Variants in FER1L5 observed in about 807,000 individuals in gnomAD.
The protein encoded by FER1L5 is fer-1 like family member 5.
In FER1L5, 187 loss-of-function variants were observed where a neutral mutation model predicts 279.9. The observed-to-expected ratio is 0.67, with a 90% CI of 0.59 to 0.75. The LOEUF (loss-of-function observed/expected upper bound fraction) is 0.75. Among genes scored for constraint, FER1L5 ranks in the 30% least tolerant of loss-of-function variants. The pLI is 0.00. For missense variants in FER1L5, 2,091 were observed against 2,594.4 expected, an observed-to-expected ratio of 0.81 and a Z score of 4.21; for synonymous variants, 921 against 989.7, an observed-to-expected ratio of 0.93 and a Z score of 1.30.
chr2:96,700,395 T>C lies in FER1L5; in HGVS notation c.4994T>C (p.Leu1665Pro), dbSNP rs1437301064. The change falls in exon 45 of 53, where the codon CTG becomes CCG. Residue 1665 changes from leucine to proline, a missense_variant. Coordinates refer to ENST00000624922, the MANE Select transcript of FER1L5 (RefSeq NM_001293083.2). ...PKKERLALYL[L>P]HTQGLVPEHV... Reference sequence around the variant, plus strand: ...AAGGAACGCCTTGCACTGTACCTCCTGCACACCCAGGGGCTGGTACCTGAG... The same window carrying C: ...AAGGAACGCCTTGCACTGTACCTCCCGCACACCCAGGGGCTGGTACCTGAG... 8 of 1,613,716 alleles carry C rather than the reference T, an allele frequency of 5.0e-6. No individual in the cohort carries two copies. The highest frequency in any genetic ancestry group is 6.8e-6 in the Non-Finnish European group (8 of 1,179,884).
intron 9 of FER1L5, 70 bp downstream of exon 9, chr2:96,654,566 G>A: frequency 2.5e-6 from 1 of 398,202 alleles, no homozygotes; most frequent in Non-Finnish European, 4.4e-6. Flanking sequence ...TGGGCTCCAT[G>A]CCCAAGTCTA....
rs1334779687 is a variant in FER1L5 at position 96,649,627 on chromosome 2, C to T, written c.344C>T (p.Thr115Ile). Residue 115 changes from threonine to isoleucine, a missense_variant, in exon 5 of 53, where the codon ACT becomes ATT. Physicochemically the swap from Thr to Ile is moderately conservative, Grantham distance 89. Coordinates refer to ENST00000624922, the MANE Select transcript of FER1L5 (RefSeq NM_001293083.2). ...LNHSMKPTDC[T>I]VTLQVAHMSN... ...TCCCTTGCCTTTGTCTTGCAGTGTA[C>T]TGTCACCCTACAGGTGGCCCACATG... 6.4e-7 allele frequency: 1 copy of T among 1,551,418 alleles called. No homozygotes were observed. Among genetic ancestry groups the T allele is most frequent in the Non-Finnish European group, 8.7e-7 (1 of 1,146,940 alleles).
chr2:96,668,838 A>T, intron 15 of FER1L5, 44 bp downstream of exon 15: 1 of 1,551,620 alleles, frequency 6.4e-7, no homozygotes, highest in African/African-American at 1.4e-5. Flanking sequence ...GAAGGAAGAA[A>T]TGAGAGCTGG....
At chr2:96,667,162 T>G (rs2076153616) in intron 14 of FER1L5, among the ~76,000 whole-genome samples, 1 of 152,024 alleles carries the variant, frequency 6.6e-6, no homozygotes, top group Non-Finnish European at 1.5e-5. Flanking sequence ...GGCAACTGCA[T>G]GTAGCATGAG....
At chr2:96,695,440 C>T in intron 34 of FER1L5, 69 bp from the exon 35 acceptor site, 1 of 1,496,728 alleles carries the variant, frequency 6.7e-7, no homozygotes, top group East Asian at 2.5e-5. Context: ...CAGCCCCCTT[C>T]TCTGGCCAGG....
At chr2:96,653,745 C>A (rs2075479705) in intron 8 of FER1L5, 43 bp downstream of exon 8, 2 of 1,447,218 alleles carry the variant, frequency 1.4e-6, no homozygotes, top group South Asian at 2.4e-5. Flanking sequence ...GTTTCTTGTC[C>A]CACTTCAATA....
intron 19 of FER1L5, among the ~76,000 whole-genome samples, chr2:96,682,857 G>A (rs1479890220): frequency 6.6e-6 from 1 of 152,172 alleles, no homozygotes; most frequent in Non-Finnish European, 1.5e-5. Flanking sequence ...AGCCACCATG[G>A]TTGGCTAATT....
At position 96,685,364 on chromosome 2, in the gene FER1L5, T is replaced by G; in HGVS notation, c.1830T>G (p.Asn610Lys). 1 of 1,551,254 alleles carries G rather than the reference T, an allele frequency of 6.4e-7. No homozygotes were observed. Among genetic ancestry groups the G allele is most frequent in the Non-Finnish European group, 8.7e-7 (1 of 1,146,840 alleles). ...TGGACACCCTGAAATCCACGCGGAA[T>G]CCGAAGGATCCAGCTCTCCTCTACC... The part of the protein sequence containing the change: ...ANLDTLKSTR[N>K]PKDPALLYQW... The change falls in exon 21 of 53, where the codon AAT (asparagine) becomes AAG (lysine). Residue 610 changes from asparagine (N) to lysine (K), a missense_variant. Transcript: ENST00000624922.
chr2:96,659,290 T>TGCCTTCCTTCC lies in FER1L5; in HGVS notation c.748-1051_748-1050insGCCTTCCTTCC. On this transcript the variant is annotated intron_variant, in intron 9 of 52. Transcript: ENST00000624922. ...TTTGATGAAGTCCAATTTATCAAGCTTTCCTTCCTTCCTTCCTTCCTTCCT... is the reference window on the plus strand; with the variant it reads ...TTTGATGAAGTCCAATTTATCAAGCTGCCTTCCTTCCTTCCTTCCTTCCTTCCTTCCTTCCT... Among the ~76,000 whole-genome samples the TGCCTTCCTTCC allele has an allele frequency of 2.7e-3, 215 of 81,032 alleles. 13 individuals carry two copies. Among genetic ancestry groups the TGCCTTCCTTCC allele is most frequent in the African/African-American group, 7.2e-3 (146 of 20,366 alleles). 53.2% of individuals were successfully genotyped at this position (81,032 alleles called of 152,430 possible).
At chr2:96,669,937 C>G (rs989531411) in intron 17 of FER1L5, among the ~76,000 whole-genome samples, 182 bp from the exon 18 acceptor site, 1 of 152,140 alleles carries the variant, frequency 6.6e-6, no homozygotes, top group Non-Finnish European at 1.5e-5. Context: ...CAGAAGAGGG[C>G]TCAATGCCCA....
At chr2:96,682,521 G>A (rs559187862) in intron 19 of FER1L5, among the ~76,000 whole-genome samples, 5 of 152,274 alleles carry the variant, frequency 3.3e-5, no homozygotes, top group South Asian at 2.1e-4. Flanking sequence ...ATACAGGAGC[G>A]GAGTTGATGG....
At chr2:96,699,009 A>G in intron 41 of FER1L5, 36 bp from the exon 42 acceptor site, 1 of 1,578,830 alleles carries the variant, frequency 6.3e-7, no homozygotes, top group Non-Finnish European at 8.6e-7. Flanking sequence ...CGGCCTCCCC[A>G]GTTCCTATCC....
intron 23 of FER1L5, among the ~76,000 whole-genome samples, chr2:96,686,780 C>T (rs1345686134): frequency 4.0e-5 from 6 of 150,648 alleles, no homozygotes; most frequent in East Asian, 2.0e-4. Context: ...ATCGCTTGAA[C>T]CTGGGAGACG....
Position 96,663,483 on chromosome 2 carries a change from C to T in FER1L5, c.1116C>T (p.Asn372=), listed in dbSNP as rs1320877361. The change falls in exon 14 of 53, where the codon AAC becomes AAT. Residue 372 remains asparagine (N), a synonymous_variant. Coordinates refer to ENST00000624922, the MANE Select transcript of FER1L5 (RefSeq NM_001293083.2). ...CCCAAACCGACAACCCGATATGGAA[C>T]CAGATCCTGACCTTCCGGATTCAGG... ...MQTQTDNPIW[N]QILTFRIQLP... 5.8e-6 allele frequency: 9 copies of T among 1,551,498 alleles called. No individual in the cohort carries two copies. In the African/African-American group the frequency reaches 9.6e-5, roughly 17 times the overall value.
At chr2:96,685,810 GC>G (rs1272002335) in intron 21 of FER1L5, 129 bp from the exon 22 acceptor site, 1 of 1,195,256 alleles carries the variant, frequency 8.4e-7, no homozygotes, top group African/African-American at 1.5e-5. Context: ...GGGCTCCTGG[GC>G]CAGGCTAGCA....
At chr2:96,697,597 T>TTCAG in intron 38 of FER1L5, 21 bp downstream of exon 38, 1 of 1,613,828 alleles carries the variant, frequency 6.2e-7, no homozygotes, top group Non-Finnish European at 8.5e-7. Flanking sequence ...CTCAGCCCCA[T>TTCAG]TCAGTGCAGG....
chr2:96,691,047 C>CA lies in FER1L5; in HGVS notation c.2744-142dup. On this transcript the variant is annotated intron_variant, in intron 27 of 52. Coordinates refer to ENST00000624922, the MANE Select transcript of FER1L5 (RefSeq NM_001293083.2). The surrounding 1 kb of genome is among the most constrained non-coding windows in gnomAD (Gnocchi z 6.0). Reference sequence around the variant, plus strand: ...GGCCACTCAGGTGACACAGTGTAGCCACACTCTCCTTTCCACACCTCAGGG... The same window carrying CA: ...GGCCACTCAGGTGACACAGTGTAGCCAACACTCTCCTTTCCACACCTCAGGG... 1 of 1,107,340 alleles carries CA rather than the reference C, an allele frequency of 9.0e-7. No homozygotes were observed. Among genetic ancestry groups the CA allele is most frequent in the Non-Finnish European group, 1.3e-6 (1 of 799,776 alleles). The allele number at this position is 1,107,340 out of a possible 1,614,324, so 68.6% of individuals were successfully genotyped here.
intron 23 of FER1L5, 56 bp downstream of exon 23, chr2:96,686,406 GC>G: frequency 6.6e-7 from 1 of 1,511,632 alleles, no homozygotes; most frequent in Non-Finnish European, 8.9e-7. Flanking sequence ...CCCCAGGGGA[GC>G]CCCCTGAACT....
intron 43 of FER1L5, 61 bp downstream of exon 43, chr2:96,699,781 TC>T: frequency 6.3e-7 from 1 of 1,598,746 alleles, no homozygotes; most frequent in African/African-American, 1.3e-5. Context: ...AGCCTACAGC[TC>T]CCTTGGGAGA....
Sources: allele counts gnomAD v4.1 joint callset (sites outside exome capture counted in the v4.1 genomes callset), GRCh38; gene constraint gnomAD v4.1.1; non-coding constraint Gnocchi (gnomAD v3.1); transcripts MANE v1.5; gene names NCBI Gene and HGNC (gene_info 2026-07-23, HGNC 2026-07-21).